The following MMP16 variants were observed in gnomAD, a reference collection of about 807,000 sequenced individuals.
MMP16 encodes the protein matrix metallopeptidase 16.
MMP16 carries 12 observed loss-of-function variants against 67.8 expected under a neutral mutation model. That is an observed-to-expected ratio of 0.18 (90% CI 0.11 to 0.29). The LOEUF is 0.29. MMP16 is among the 10% of genes least tolerant of loss of function. The pLI is 1.00. For synonymous variants in MMP16, 249 were observed against 255.9 expected (o/e 0.97, Z 0.26); for missense variants, 475 against 765.7 (o/e 0.62, Z 4.48).
rs1808084316 is a variant in MMP16 at position 88,038,458 on chromosome 8, A to G, written c.*3003T>C. 6.6e-6 allele frequency: 1 copy of G among 152,450 alleles called. No homozygotes were observed. The highest frequency in any genetic ancestry group is 2.4e-5 in the African/African-American group (1 of 41,438). 9.4% of individuals were successfully genotyped at this position (152,450 alleles called of 1,614,324 possible). On this transcript the variant is annotated 3_prime_UTR_variant, in exon 10 of 10. Transcript: ENST00000286614. This position sits in a 1 kb window ranked among gnomAD's most constrained non-coding sequence, Gnocchi z 4.1. ...TGATAGCCTTATGACGAATCAGGAT[A>G]TTGTGATGAATGAGTAAAGAGGCAA...
intron 1 of MMP16, among the ~76,000 whole-genome samples, chr8:88,307,980 C>G (rs1215972065): frequency 6.6e-6 from 1 of 152,012 alleles, no homozygotes; most frequent in Non-Finnish European, 1.5e-5. Context: ...CAGAAAGCTG[C>G]AAAACACTAC....
At chr8:88,127,864 T>C (rs2118462948) in intron 4 of MMP16, among the ~76,000 whole-genome samples, 1 of 152,010 alleles carries the variant, frequency 6.6e-6, no homozygotes, top group South Asian at 2.1e-4. Flanking sequence ...TGCATTCTGC[T>C]ATATCTTTCA....
intron 3 of MMP16, among the ~76,000 whole-genome samples, chr8:88,170,975 G>A (rs964326411): frequency 6.6e-6 from 1 of 152,196 alleles, no homozygotes; most frequent in Non-Finnish European, 1.5e-5. Flanking sequence ...TGTTCTGAGA[G>A]AATTGTTCAT....
intron 6 of MMP16, among the ~76,000 whole-genome samples, chr8:88,088,025 T>C (rs925633266): frequency 8.7e-6 from 1 of 115,512 alleles, no homozygotes; most frequent in South Asian, 2.9e-4. Flanking sequence ...GTATCTATAT[T>C]ATATATATAG....
chr8:88,176,029 T>C (rs1238690628), intron 3 of MMP16, among the ~76,000 whole-genome samples: 1 of 152,222 alleles, frequency 6.6e-6, no homozygotes, highest in African/African-American at 2.4e-5. Context: ...TACCCAGTCA[T>C]GAGTATTTCT....
intron 7 of MMP16, among the ~76,000 whole-genome samples, chr8:88,062,360 A>G (rs1270826447): frequency 4.6e-5 from 7 of 152,134 alleles, no homozygotes. Flanking sequence ...ATGCACACGT[A>G]TGTTTATTGT....
intron 7 of MMP16, among the ~76,000 whole-genome samples, chr8:88,067,102 A>C (rs547151540): frequency 1.5e-4 from 23 of 152,242 alleles, no homozygotes; most frequent in African/African-American, 5.3e-4. Context: ...GTTATTTACT[A>C]AAACTTAATT....
intron 7 of MMP16, among the ~76,000 whole-genome samples, chr8:88,070,793 T>C (rs550025175): frequency 6.6e-6 from 1 of 152,276 alleles, no homozygotes; most frequent in East Asian, 1.9e-4. Flanking sequence ...TTCAATGTCC[T>C]CTGTTTCTTG....
chr8:88,109,831 A>G (rs1348625555), intron 6 of MMP16, among the ~76,000 whole-genome samples: 1 of 151,276 alleles, frequency 6.6e-6, no homozygotes, highest in Non-Finnish European at 1.5e-5. Context: ...CATTTTTAAC[A>G]TGGAAAAGAC....
intron 1 of MMP16, among the ~76,000 whole-genome samples, chr8:88,279,956 T>G (rs572287819): frequency 6.6e-5 from 10 of 152,282 alleles, no homozygotes; most frequent in Admixed American, 5.9e-4. Flanking sequence ...AGAATGTTCA[T>G]GACCTCAAAA....
chr8:88,268,203 G>A (rs1026616280), intron 1 of MMP16, among the ~76,000 whole-genome samples: 10 of 152,106 alleles, frequency 6.6e-5, no homozygotes, highest in Admixed American at 3.9e-4. Context: ...GTAGCTGGGC[G>A]TGGTGGCGCA....
At chr8:88,083,715 G>GAGTT (rs982949748) in intron 6 of MMP16, among the ~76,000 whole-genome samples, 2 of 152,002 alleles carry the variant, frequency 1.3e-5, no homozygotes, top group African/African-American at 4.8e-5. Context: ...TAGTTCATGA[G>GAGTT]AGTTAGCTTT....
intron 1 of MMP16, among the ~76,000 whole-genome samples, chr8:88,287,526 T>C (rs1036728802): frequency 6.6e-6 from 1 of 152,166 alleles, no homozygotes; most frequent in Non-Finnish European, 1.5e-5. Context: ...ATTCAGGCCC[T>C]CGGGTTGATG....
At chr8:88,216,180 C>T (rs1809589444) in intron 1 of MMP16, among the ~76,000 whole-genome samples, 1 of 152,066 alleles carries the variant, frequency 6.6e-6, no homozygotes, top group South Asian at 2.1e-4. Context: ...AGTAATCTGG[C>T]ATTAAGTACT....
At chr8:88,167,247 T>C (rs969634488) in intron 4 of MMP16, among the ~76,000 whole-genome samples, 1 of 151,838 alleles carries the variant, frequency 6.6e-6, no homozygotes, top group East Asian at 1.9e-4. Context: ...GAAAATAATG[T>C]AGAAAAGATA....
intron 1 of MMP16, among the ~76,000 whole-genome samples, chr8:88,263,166 C>G (rs1810417886): frequency 6.6e-6 from 1 of 152,084 alleles, no homozygotes. Context: ...ACCCTTTGCT[C>G]TGTGCATTAT....
intron 7 of MMP16, among the ~76,000 whole-genome samples, chr8:88,063,665 G>C (rs558969746): frequency 2.6e-5 from 4 of 151,982 alleles, no homozygotes; most frequent in Non-Finnish European, 4.4e-5. Context: ...ACAGGTCAAA[G>C]AAGTGGTGTG....
intron 1 of MMP16, among the ~76,000 whole-genome samples, chr8:88,234,809 C>T (rs918208850): frequency 1.3e-5 from 2 of 152,170 alleles, no homozygotes; most frequent in African/African-American, 2.4e-5. Flanking sequence ...GCATATACTG[C>T]CCTTTATTCC....
rs1172882419 is a variant in MMP16, at chr8:88,204,937, C to A, written c.133-7631G>T. Among the ~76,000 whole-genome samples, 11 of 152,122 alleles carry A rather than the reference C, an allele frequency of 7.2e-5. 1 individual carries two copies. The South Asian group carries it at 1.0e-3, about 14-fold the overall frequency. ...CCTACAGAAACAATTTCTTAGAATG[C>A]CTTCCAAGCCATGTATGATTTTGTC... On this transcript the variant is annotated intron_variant, in intron 1 of 9. Transcript: ENST00000286614.
Sources: gnomAD v4.1 joint callset for allele counts (sites outside exome capture counted in the v4.1 genomes callset) on GRCh38, gnomAD v4.1.1 for gene constraint, Gnocchi (gnomAD v3.1) non-coding constraint, MANE v1.5 for transcripts, NCBI Gene and HGNC (gene_info 2026-07-23, HGNC 2026-07-21) for gene names.